GRIA3: variants seen among roughly 807,000 people sequenced by gnomAD.
The protein encoded by GRIA3 is glutamate ionotropic receptor AMPA type subunit 3, also known as glutamate receptor 3.
A neutral mutation model predicts 63.0 loss-of-function variants in GRIA3; 3 were observed. That is an observed-to-expected ratio of 0.05 (90% CI 0.02 to 0.12). The LOEUF is 0.12. Among genes scored for constraint, GRIA3 ranks in the 10% least tolerant of loss-of-function variants. The pLI, the probability that GRIA3 is intolerant of heterozygous loss-of-function variation, is 1.00. For synonymous variants in GRIA3, 274 were observed against 257.9 expected (o/e 1.06, Z -0.60); for missense variants, 347 against 700.9 (o/e 0.50, Z 5.70).
intron 11 of GRIA3, among the ~76,000 whole-genome samples, chrX:123,420,201 G>A (rs1881857136): frequency 8.9e-6 from 1 of 111,979 alleles, no homozygotes; most frequent in African/African-American, 3.2e-5. Flanking sequence ...ACTCAGAAGA[G>A]TCCTACCATG....
chrX:123,302,871 C>T lies in GRIA3; in HGVS notation c.509-23155C>T, dbSNP rs139460544. On this transcript the variant is annotated intron_variant, in intron 3 of 15. Transcript: ENST00000620443. ...GTAATGGTCATGGCGTACCCCTTAGCAATTCTATCCTCTGTCTAAGTCTAA... is the reference window on the plus strand; with the variant it reads ...GTAATGGTCATGGCGTACCCCTTAGTAATTCTATCCTCTGTCTAAGTCTAA... Among the ~76,000 whole-genome samples the T allele has an allele frequency of 3.6e-3, 399 of 110,966 alleles. 2 individuals are homozygous for T. The highest frequency in any genetic ancestry group is 8.5e-3 in the Admixed American group (89 of 10,447).
At chrX:123,198,649 G>A (rs1437998928) in intron 2 of GRIA3, among the ~76,000 whole-genome samples, 1 of 111,112 alleles carries the variant, frequency 9.0e-6, no homozygotes, top group Non-Finnish European at 1.9e-5. Flanking sequence ...AAAAAAAGTG[G>A]GGAAAGAAAG....
intron 5 of GRIA3, among the ~76,000 whole-genome samples, chrX:123,369,051 A>T (rs1448959426): frequency 1.8e-5 from 2 of 111,315 alleles, no homozygotes; most frequent in African/African-American, 3.3e-5. Context: ...GGAAAAAAGC[A>T]AAAAGGAGCC....
intron 3 of GRIA3, among the ~76,000 whole-genome samples, chrX:123,257,114 C>T (rs914562196): frequency 5.4e-5 from 6 of 110,879 alleles, no homozygotes; most frequent in South Asian, 3.9e-4. Context: ...CCCTTCTGTC[C>T]ATGTCATTCA....
At chrX:123,460,465 C>T (rs999089664) in intron 12 of GRIA3, among the ~76,000 whole-genome samples, 11 of 111,667 alleles carry the variant, frequency 9.9e-5, no homozygotes, top group African/African-American at 3.6e-4. Context: ...TCTAAGAGCC[C>T]TTCAAAAGGG....
At chrX:123,458,888 GATCCAAATATACAAATAAT>G (rs201268051) in intron 12 of GRIA3, among the ~76,000 whole-genome samples, 1,817 of 111,739 alleles carry the variant, frequency 0.016, 21 homozygotes, top group Middle Eastern at 0.05. Context: ...TATGTCTGGA[GATCCAAATATACAAATAAT>G]ACTTAAGCAT....
intron 12 of GRIA3, among the ~76,000 whole-genome samples, chrX:123,459,056 C>T (rs1603168050): frequency 9.0e-6 from 1 of 111,474 alleles, no homozygotes; most frequent in African/African-American, 3.3e-5. Context: ...TTTCCCACTT[C>T]CTGTGTTTCA....
At chrX:123,200,639 A>G (rs1040590419) in intron 2 of GRIA3, among the ~76,000 whole-genome samples, 14 of 107,065 alleles carry the variant, frequency 1.3e-4, no homozygotes, top group East Asian at 2.9e-4. Context: ...ACACACACAC[A>G]CACGCAACCA....
At chrX:123,483,115 T>G (rs2045920600) in intron 15 of GRIA3, 69 bp downstream of exon 15, 14 of 912,832 alleles carry the variant, frequency 1.5e-5, no homozygotes, top group Non-Finnish European at 2.0e-5. Context: ...TTTCTTCTTT[T>G]TTTTTTTTTT....
chrX:123,426,033 G>A (rs1035021084), intron 11 of GRIA3, among the ~76,000 whole-genome samples: 2 of 110,692 alleles, frequency 1.8e-5, no homozygotes, highest in Admixed American at 9.7e-5. Context: ...TTGATTTGCC[G>A]GCTCTCAGCC....
chrX:123,421,835 A>G (rs955554711), intron 11 of GRIA3, among the ~76,000 whole-genome samples: 3 of 111,951 alleles, frequency 2.7e-5, no homozygotes, highest in African/African-American at 9.7e-5. Context: ...TGATAGTCAG[A>G]TTAAATAATT....
At chrX:123,448,957 T>C (rs1437499819) in intron 12 of GRIA3, among the ~76,000 whole-genome samples, 1 of 112,013 alleles carries the variant, frequency 8.9e-6, no homozygotes, top group African/African-American at 3.2e-5. Flanking sequence ...ATAAGGTGGG[T>C]CCTATTACCA....
chrX:123,247,817 A>G (rs1452458374), intron 2 of GRIA3, among the ~76,000 whole-genome samples: 1 of 111,516 alleles, frequency 9.0e-6, no homozygotes, highest in Non-Finnish European at 1.9e-5. Context: ...ATAGAGGGCA[A>G]TGGTTACTGT....
chrX:123,450,080 T>C (rs927439884), intron 12 of GRIA3, among the ~76,000 whole-genome samples: 1 of 112,185 alleles, frequency 8.9e-6, no homozygotes, highest in African/African-American at 3.2e-5. Context: ...CCAAGAACTG[T>C]TATGGGTGCT....
intron 2 of GRIA3, among the ~76,000 whole-genome samples, chrX:123,186,967 A>C (rs1028691677): frequency 1.8e-5 from 2 of 112,433 alleles, no homozygotes; most frequent in Non-Finnish European, 3.8e-5. Flanking sequence ...CTTGAATGGA[A>C]TGTTTCGTGA....
intron 12 of GRIA3, among the ~76,000 whole-genome samples, chrX:123,453,703 AGC>A (rs977818274): frequency 2.2e-4 from 24 of 110,104 alleles, no homozygotes; most frequent in African/African-American, 6.3e-4. Context: ...TCATTCCTTT[AGC>A]TGTGGTTTGA....
Position 123,233,140 on chromosome X carries a change from C to T in GRIA3, c.269-20163C>T, listed in dbSNP as rs146213797. On this transcript the variant is annotated intron_variant, in intron 2 of 15. Transcript: ENST00000620443. ...GTCTACTTAGCCACTGGATGAAATG[C>T]CTCCAAGGTCTCTATCCCTCAGCCT... Among the ~76,000 whole-genome samples, 880 of 110,808 alleles carry T rather than the reference C, an allele frequency of 7.9e-3. 13 individuals are homozygous for T. The highest frequency in any genetic ancestry group is 0.028 in the African/African-American group (838 of 30,386).
At chrX:123,477,265 A>G (rs1219249616) in intron 13 of GRIA3, among the ~76,000 whole-genome samples, 1 of 112,694 alleles carries the variant, frequency 8.9e-6, no homozygotes, top group Non-Finnish European at 1.9e-5. Context: ...ATTCATATTT[A>G]CCACATCAGA....
intron 2 of GRIA3, among the ~76,000 whole-genome samples, chrX:123,252,511 T>G (rs1401848957): frequency 8.9e-6 from 1 of 112,274 alleles, no homozygotes; most frequent in Non-Finnish European, 1.9e-5. Flanking sequence ...GTTCACATTT[T>G]TTAAGCTCTT....
Sources: gnomAD v4.1 joint callset for allele counts (sites outside exome capture counted in the v4.1 genomes callset) on GRCh38, gnomAD v4.1.1 for gene constraint, MANE v1.5 for transcripts, NCBI Gene and HGNC (gene_info 2026-07-23, HGNC 2026-07-21) for gene names.